TRHDE: variants seen among roughly 807,000 people sequenced by gnomAD.
TRHDE encodes thyrotropin releasing hormone degrading enzyme, also known as thyrotropin-releasing hormone-degrading ectoenzyme.
In TRHDE, 72 loss-of-function variants were observed where a neutral mutation model predicts 125.7. The observed-to-expected ratio is 0.57, with a 90% confidence interval of 0.47 to 0.70. The LOEUF is 0.70. Among genes scored for constraint, TRHDE ranks in the 30% least tolerant of loss-of-function variants. The pLI is 0.00. For missense variants in TRHDE, 1,110 were observed against 1,327.1 expected, an observed-to-expected ratio of 0.84 and a Z score of 2.54; for synonymous variants, 509 against 509.1, an observed-to-expected ratio of 1.00 and a Z score of 0.00.
chr12:72,184,534 A>G (rs1290742293), intron 2 of TRHDE, among the ~76,000 whole-genome samples: 3 of 152,168 alleles, frequency 2.0e-5, no homozygotes, highest in Non-Finnish European at 4.4e-5. Context: ...TTTCTCTCTT[A>G]TAGTATGGAA....
intron 3 of TRHDE, among the ~76,000 whole-genome samples, chr12:72,430,445 GTA>G (rs950445185): frequency 2.1e-5 from 3 of 144,134 alleles, no homozygotes; most frequent in Non-Finnish European, 4.5e-5. Flanking sequence ...ATACACACAC[GTA>G]TATATATGTG....
chr12:72,479,466 A>G (rs1877055319), intron 5 of TRHDE, among the ~76,000 whole-genome samples: 1 of 152,074 alleles, frequency 6.6e-6, no homozygotes, highest in Non-Finnish European at 1.5e-5. Flanking sequence ...TAAAACAAGC[A>G]TAATTCATTA....
At chr12:72,626,624 A>G (rs1256533916) in intron 15 of TRHDE, among the ~76,000 whole-genome samples, 3 of 151,930 alleles carry the variant, frequency 2.0e-5, no homozygotes. Flanking sequence ...CCTCCTGGCA[A>G]ATATAACTGT....
chr12:72,163,974 G>A (rs1354573452), intron 2 of TRHDE, among the ~76,000 whole-genome samples: 1 of 152,096 alleles, frequency 6.6e-6, no homozygotes, highest in African/African-American at 2.4e-5. Context: ...AGCTGGGTGT[G>A]GTGGCACATA....
intron 1 of TRHDE, among the ~76,000 whole-genome samples, chr12:72,274,303 C>A (rs1879396074): frequency 6.6e-6 from 1 of 152,138 alleles, no homozygotes; most frequent in Non-Finnish European, 1.5e-5. Context: ...AGTGGCCAAG[C>A]GGTGGGAAAG....
intron 2 of TRHDE, among the ~76,000 whole-genome samples, chr12:72,173,890 A>G (rs1876933655): frequency 6.6e-6 from 1 of 152,198 alleles, no homozygotes; most frequent in Non-Finnish European, 1.5e-5. Context: ...AAGAACAAGG[A>G]CATTCTTAAT....
At chr12:72,626,810 C>A (rs184720842) in intron 15 of TRHDE, among the ~76,000 whole-genome samples, 1 of 151,990 alleles carries the variant, frequency 6.6e-6, no homozygotes, top group South Asian at 2.1e-4. Context: ...ACAAAAGGCT[C>A]TTTTCACTAT....
chr12:72,104,983 C>T (rs772939931), intron 1 of TRHDE, among the ~76,000 whole-genome samples: 24 of 152,168 alleles, frequency 1.6e-4, no homozygotes, highest in African/African-American at 4.6e-4. Flanking sequence ...AGCAGCTCCA[C>T]GCTCACACTA....
chr12:72,518,416 T>C (rs1878995146), intron 6 of TRHDE, among the ~76,000 whole-genome samples: 1 of 149,862 alleles, frequency 6.7e-6, no homozygotes, highest in Admixed American at 6.7e-5. Context: ...TCTTTGTCTC[T>C]TTTGATCTTT....
intron 2 of TRHDE, among the ~76,000 whole-genome samples, chr12:72,125,711 T>C (rs1194499646): frequency 6.6e-6 from 1 of 152,220 alleles, no homozygotes; most frequent in African/African-American, 2.4e-5. Context: ...AATAACGGCC[T>C]GAAACAAACA....
chr12:72,466,367 A>T (rs759071622), intron 3 of TRHDE, among the ~76,000 whole-genome samples: 7 of 152,098 alleles, frequency 4.6e-5, no homozygotes, highest in Non-Finnish European at 8.8e-5. Context: ...CTTCTGGAGG[A>T]CTACAGCTTA....
At chr12:72,503,731 A>T (rs1445749366) in intron 6 of TRHDE, among the ~76,000 whole-genome samples, 1 of 152,188 alleles carries the variant, frequency 6.6e-6, no homozygotes, top group Non-Finnish European at 1.5e-5. Context: ...ATGATCCTTA[A>T]GATATGCTAA....
intron 2 of TRHDE, among the ~76,000 whole-genome samples, chr12:72,139,797 G>A (rs1404326929): frequency 6.6e-6 from 1 of 152,018 alleles, no homozygotes. Context: ...CCCTCTTCTC[G>A]GTCAAGGGCA....
intron 2 of TRHDE, among the ~76,000 whole-genome samples, chr12:72,131,503 A>T (rs1029210272): frequency 2.6e-5 from 4 of 152,094 alleles, no homozygotes; most frequent in Non-Finnish European, 5.9e-5. Flanking sequence ...CTTTTCCCAT[A>T]TATCTTTTGG....
intron 18 of TRHDE, among the ~76,000 whole-genome samples, chr12:72,657,990 C>G (rs1200703597): frequency 6.6e-6 from 1 of 152,116 alleles, no homozygotes; most frequent in African/African-American, 2.4e-5. Flanking sequence ...AAGCATCAAC[C>G]CTGGCACCAT....
chr12:72,346,564 C>G (rs2135735716), intron 2 of TRHDE, among the ~76,000 whole-genome samples: 1 of 152,068 alleles, frequency 6.6e-6, no homozygotes, highest in African/African-American at 2.4e-5. Context: ...GGGAATGGCT[C>G]TGTTTTCTCA....
intron 5 of TRHDE, among the ~76,000 whole-genome samples, chr12:72,490,717 A>G (rs868257131): frequency 2.4e-4 from 37 of 151,444 alleles, no homozygotes; most frequent in African/African-American, 8.7e-4. Flanking sequence ...AGACACAGAA[A>G]GAACAATATT....
intron 13 of TRHDE, among the ~76,000 whole-genome samples, chr12:72,619,857 GA>G (rs1197099949): frequency 2.0e-5 from 3 of 152,036 alleles, no homozygotes; most frequent in Non-Finnish European, 4.4e-5. Flanking sequence ...TGGGATTACT[GA>G]AAAGTGGATT....
intron 3 of TRHDE, among the ~76,000 whole-genome samples, chr12:72,418,000 T>G (rs1298106626): frequency 6.6e-6 from 1 of 152,024 alleles, no homozygotes; most frequent in African/African-American, 2.4e-5. Flanking sequence ...GTCCCAACTA[T>G]TATTTTAAAA....
Sources: allele counts gnomAD v4.1 joint callset (sites outside exome capture counted in the v4.1 genomes callset), GRCh38; gene constraint gnomAD v4.1.1; transcripts MANE v1.5; gene names NCBI Gene and HGNC (gene_info 2026-07-23, HGNC 2026-07-21).